Variants in OTOA observed in about 807,000 individuals in gnomAD.
OTOA encodes otoancorin, also known as cancer/testis antigen 108.
In OTOA, 70 loss-of-function variants were observed where a neutral mutation model predicts 110.8. The ratio of observed to expected loss-of-function variants is 0.63; its 90% CI spans 0.52 to 0.77. OTOA has a LOEUF of 0.77. Ranked by LOEUF, OTOA falls within the 30% of genes least tolerant of loss-of-function variation. The pLI, the probability that OTOA is intolerant of heterozygous loss-of-function variation, is 0.00. For synonymous variants in OTOA, 373 were observed against 431.5 expected, an observed-to-expected ratio of 0.86 and a Z score of 1.68; for missense variants, 917 against 1,075.8, an observed-to-expected ratio of 0.85 and a Z score of 2.06.
chr16:21,676,391 A>G (rs1387854383), intron 1 of OTOA, among the ~76,000 whole-genome samples: 5 of 152,106 alleles, frequency 3.3e-5, no homozygotes, highest in Non-Finnish European at 4.4e-5. Flanking sequence ...CTTGGAATCA[A>G]TTAGATCCTT....
chr16:21,675,433 G>A (rs1966855966), intron 1 of OTOA, among the ~76,000 whole-genome samples: 1 of 149,714 alleles, frequency 6.7e-6, no homozygotes, highest in Non-Finnish European at 1.5e-5. Context: ...TGGGATTACA[G>A]GCGTGAGCCA....
rs781342542 is a variant in OTOA, at chr16:21,717,018, C to A, written c.1600C>A (p.Leu534Met). The A allele has an allele frequency of 1.8e-5, 29 of 1,613,940 alleles. 1 individual carries two copies. The highest frequency in any genetic ancestry group is 2.3e-5 in the Non-Finnish European group (27 of 1,180,010). The change falls in exon 15 of 29, where the codon CTG (leucine) becomes ATG (methionine). Residue 534 changes from leucine (L) to methionine (M), a missense_variant. Transcript: ENST00000646100. ...GCAACCTGGATTCAACTCTACAGTCCTGAAGGATAAGGAACTTGGAAGGAG... is the reference window on the plus strand; with the variant it reads ...GCAACCTGGATTCAACTCTACAGTCATGAAGGATAAGGAACTTGGAAGGAG... ...RRQPGFNSTV[L>M]KDKELGRSQA...
In OTOA at chr16:21,695,891, A is replaced by ATATAT. The variant is rs569493650; in HGVS notation, c.740-1883_740-1882insATATT. On this transcript the variant is annotated intron_variant, in intron 9 of 28. Transcript: ENST00000646100. Reference sequence around the variant, plus strand: ...GATATATATATATATATATATATATATTTTTTTTTTTTTTTTTTTCTGAGA... The same window carrying ATATAT: ...GATATATATATATATATATATATATATATATTTTTTTTTTTTTTTTTTTTCTGAGA... Among the ~76,000 whole-genome samples the ATATAT allele has an allele frequency of 3.2e-3, 136 of 41,910 alleles. 3 individuals are homozygous for ATATAT. The highest frequency in any genetic ancestry group is 7.6e-3 in the South Asian group (7 of 926). The allele number at this position is 41,910 out of a possible 152,430, so 27.5% of individuals were successfully genotyped here. A position where few individuals can be genotyped will look rare whatever the true frequency, so the allele number is the denominator to read the frequency against.
chr16:21,695,375 GA>G (rs548572750), intron 9 of OTOA, among the ~76,000 whole-genome samples: 2,690 of 144,600 alleles, frequency 0.019, 143 homozygotes, highest in Admixed American at 0.11. Flanking sequence ...AACAGAGGAA[GA>G]AAAAAAAAAA....
At chr16:21,720,601 G>A (rs1286229993) in intron 17 of OTOA, among the ~76,000 whole-genome samples, 1 of 152,158 alleles carries the variant, frequency 6.6e-6, no homozygotes, top group African/African-American at 2.4e-5. Flanking sequence ...CACAAATTGG[G>A]GGCCCCACTC....
At chr16:21,681,949 G>T (rs1201165423) in intron 6 of OTOA, 124 bp downstream of exon 6, 3 of 880,368 alleles carry the variant, frequency 3.4e-6, no homozygotes, top group Admixed American at 2.2e-5. Context: ...CAAGGAAAAG[G>T]GTTCTGTCCA....
At chr16:21,725,286 T>TTTG (rs1394223215) in intron 18 of OTOA, among the ~76,000 whole-genome samples, 1 of 152,132 alleles carries the variant, frequency 6.6e-6, no homozygotes, top group East Asian at 1.9e-4. Flanking sequence ...AATAGATTTT[T>TTTG]TTGTTGTTGT....
rs375683455 is a variant in OTOA, at chr16:21,679,084, T to A, written c.151+18T>A. The stretch of plus-strand genomic sequence containing the variant: ...TCTGAATGGTAATGTGCCCCCTTGA[T>A]CTCCACTTGCTTCTTCTAAGAATTT... On this transcript the variant is annotated intron_variant, in intron 4 of 28. Coordinates refer to ENST00000646100, the MANE Select transcript of OTOA (RefSeq NM_144672.4). The A allele has an allele frequency of 6.8e-6, 11 of 1,613,768 alleles. No homozygotes were observed. In the African/African-American group the frequency reaches 1.5e-4, roughly 22 times the overall value.
At chr16:21,712,682 T>TAC (rs1555499541) in intron 13 of OTOA, among the ~76,000 whole-genome samples, 8 of 145,292 alleles carry the variant, frequency 5.5e-5, no homozygotes, top group Non-Finnish European at 9.0e-5. Flanking sequence ...CTACTAAAAA[T>TAC]AAAAAAAAAA....
intron 15 of OTOA, among the ~76,000 whole-genome samples, chr16:21,718,605 G>C (rs1898629158): frequency 6.6e-6 from 1 of 152,204 alleles, no homozygotes; most frequent in Non-Finnish European, 1.5e-5. Flanking sequence ...TAGGGATTCT[G>C]TAAAATTATG....
intron 20 of OTOA, 45 bp downstream of exon 20, chr16:21,728,476 G>T (rs199915858): frequency 1.3e-6 from 2 of 1,593,666 alleles, no homozygotes; most frequent in Non-Finnish European, 1.7e-6. Flanking sequence ...GGTATGCTCT[G>T]TGGAGGGACA....
Position 21,687,541 on chromosome 16 carries a change from T to G in OTOA, c.528T>G (p.Cys176Trp), listed in dbSNP as rs1282488545. ...RCFQMLNSLE[C>W]VEILGKVLRG... ...TCCAGATGCTGAACTCCCTGGAGTGTGTGGAGATCCTGGGCAAGGTGCTGA... is the reference window on the plus strand; with the variant it reads ...TCCAGATGCTGAACTCCCTGGAGTGGGTGGAGATCCTGGGCAAGGTGCTGA... The change falls in exon 8 of 29, where the codon TGT becomes TGG. Residue 176 changes from cysteine (C) to tryptophan (W), a missense_variant. Transcript: ENST00000646100. 1 of 1,613,966 alleles carries G rather than the reference T, an allele frequency of 6.2e-7. No individual in the cohort carries two copies. Among genetic ancestry groups the G allele is most frequent in the Non-Finnish European group, 8.5e-7 (1 of 1,180,006 alleles).
At chr16:21,735,541 A>G (rs1207250846) in intron 21 of OTOA, among the ~76,000 whole-genome samples, 1 of 152,188 alleles carries the variant, frequency 6.6e-6, no homozygotes, top group Non-Finnish European at 1.5e-5. Flanking sequence ...TATAAAGTTT[A>G]GTAAAAACTT....
intron 9 of OTOA, among the ~76,000 whole-genome samples, chr16:21,692,412 C>T: frequency 6.6e-6 from 1 of 151,950 alleles, no homozygotes; most frequent in East Asian, 1.9e-4. Flanking sequence ...TCTGAGCGTC[C>T]TGGCTACCAA....
chr16:21,758,263 A>G (rs1452022168), intron 28 of OTOA, among the ~76,000 whole-genome samples: 2 of 151,778 alleles, frequency 1.3e-5, no homozygotes, highest in Admixed American at 1.3e-4. Context: ...CTGGGGAGAT[A>G]GCTTCTAACA....
chr16:21,713,379 C>T (rs1407060120), intron 13 of OTOA, among the ~76,000 whole-genome samples: 5 of 152,060 alleles, frequency 3.3e-5, no homozygotes, highest in East Asian at 1.9e-4. Flanking sequence ...AGCAGGATGT[C>T]GGTAGAGAGG....
chr16:21,728,303 G>T lies in OTOA; in HGVS notation c.2079G>T (p.Pro693=). ...DIMGNLLCHL[P]AAIIDRGISP... is the part of the protein sequence containing the mutation. ...TGGGGAACCTGCTGTGTCACTTGCC[G>T]GCAGCCATCATCGACAGGGGGATCT... Residue 693 remains proline (P), a synonymous_variant, in exon 20 of 29, where the codon CCG becomes CCT. Transcript: ENST00000646100. 6.2e-7 allele frequency: 1 copy of T among 1,614,140 alleles called. No homozygotes were observed. Among genetic ancestry groups the T allele is most frequent in the Non-Finnish European group, 8.5e-7 (1 of 1,180,028 alleles).
intron 11 of OTOA, among the ~76,000 whole-genome samples, chr16:21,704,720 G>C (rs777788651): frequency 2.0e-5 from 3 of 152,162 alleles, no homozygotes; most frequent in Admixed American, 6.6e-5. Flanking sequence ...TTTTTGTAGA[G>C]AGAAACGGTT....
chr16:21,672,057 A>C (rs1016603149), intron 1 of OTOA, among the ~76,000 whole-genome samples: 1 of 152,114 alleles, frequency 6.6e-6, no homozygotes, highest in Non-Finnish European at 1.5e-5. Context: ...GCCCCAGACC[A>C]ATCCTAATTT....
Sources: allele counts gnomAD v4.1 joint callset (sites outside exome capture counted in the v4.1 genomes callset), GRCh38; gene constraint gnomAD v4.1.1; transcripts MANE v1.5; gene names NCBI Gene and HGNC (gene_info 2026-07-23, HGNC 2026-07-21).